The following NFIB variants were observed in gnomAD, a reference collection of about 807,000 sequenced individuals.
NFIB encodes nuclear factor 1 B-type.
NFIB carries 11 observed loss-of-function variants against 61.5 expected under a neutral mutation model. The observed-to-expected ratio is 0.18, with a 90% CI of 0.11 to 0.30. The LOEUF (loss-of-function observed/expected upper bound fraction) is 0.30, where lower values mean the gene tolerates loss of function less well. Among genes scored for constraint, NFIB ranks in the 10% least tolerant of loss-of-function variants. The pLI is 1.00. For synonymous variants in NFIB, 260 were observed against 216.5 expected (o/e 1.20, Z -1.76); for missense variants, 471 against 608.9 (o/e 0.77, Z 2.38).
the NFIB span, among the ~76,000 whole-genome samples, chr9:14,519,257 G>GT: frequency 2.6e-5 from 4 of 152,176 alleles, no homozygotes; most frequent in Non-Finnish European, 4.4e-5. Flanking sequence ...AGGATATTGA[G>GT]TGCCAGGAAG....
At chr9:14,468,319 A>G in the NFIB span, among the ~76,000 whole-genome samples, 4 of 152,168 alleles carry the variant, frequency 2.6e-5, no homozygotes, top group African/African-American at 9.7e-5. Flanking sequence ...TAATTAAGGT[A>G]CACCTCTTTG....
chr9:14,160,605 G>T (rs1383967470), intron 3 of NFIB, among the ~76,000 whole-genome samples: 1 of 152,024 alleles, frequency 6.6e-6, no homozygotes, highest in African/African-American at 2.4e-5. Context: ...GCCTAAAAAG[G>T]CATGTGAAAT....
At chr9:14,204,943 C>T (rs1403487247) in intron 2 of NFIB, 2 of 341,646 alleles carry the variant, frequency 5.9e-6, no homozygotes, top group Non-Finnish European at 1.1e-5. Flanking sequence ...CCAATGAGAT[C>T]CGTCATCACT....
the NFIB span, among the ~76,000 whole-genome samples, chr9:14,520,914 C>G: frequency 1.3e-5 from 2 of 152,158 alleles, no homozygotes; most frequent in Non-Finnish European, 2.9e-5. Flanking sequence ...TACAGTGGTT[C>G]AAAAAAGTAG....
At chr9:14,369,645 C>G (rs980326941) in intron 1 of NFIB, among the ~76,000 whole-genome samples, 3 of 152,158 alleles carry the variant, frequency 2.0e-5, no homozygotes, top group Non-Finnish European at 4.4e-5. Context: ...ATATATCTGG[C>G]ACTCAAGTTA....
chr9:14,446,327 G>A, the NFIB span, among the ~76,000 whole-genome samples: 3 of 152,162 alleles, frequency 2.0e-5, no homozygotes, highest in South Asian at 6.2e-4. Context: ...TTCAGATACT[G>A]TCTCTGCTTA....
chr9:14,138,568 T>C (rs989188222), intron 6 of NFIB, among the ~76,000 whole-genome samples: 1 of 152,086 alleles, frequency 6.6e-6, no homozygotes, highest in Non-Finnish European at 1.5e-5. Flanking sequence ...AAAAAGTTCA[T>C]TGTTCGAAAT....
the NFIB span, among the ~76,000 whole-genome samples, chr9:14,469,179 G>C: frequency 1.3e-5 from 2 of 152,140 alleles, no homozygotes; most frequent in African/African-American, 4.8e-5. Context: ...TTGGGATTGG[G>C]GGACCGAACT....
intron 6 of NFIB, among the ~76,000 whole-genome samples, chr9:14,137,321 A>G (rs7034211): frequency 0.5 from 75,331 of 152,088 alleles, 20,732 homozygotes; most frequent in African/African-American, 0.72. Flanking sequence ...TTCCTCAGGT[A>G]TAAAGCAAAA....
chr9:14,166,530 C>G (rs939630216), intron 3 of NFIB, among the ~76,000 whole-genome samples: 3 of 152,174 alleles, frequency 2.0e-5, no homozygotes, highest in Non-Finnish European at 4.4e-5. Context: ...GTAAAAATTT[C>G]AACAGGATAT....
the NFIB span, among the ~76,000 whole-genome samples, chr9:14,406,680 C>T: frequency 6.6e-6 from 1 of 152,000 alleles, no homozygotes; most frequent in South Asian, 2.1e-4. Flanking sequence ...TAATTTCTGC[C>T]CAATGAAATG....
intron 3 of NFIB, 50 bp from the exon 4 acceptor site, chr9:14,155,943 A>C: frequency 1.8e-6 from 2 of 1,125,318 alleles, no homozygotes; most frequent in South Asian, 3.0e-5. Context: ...AGAAAGTAAA[A>C]TAAATGATTA....
intron 10 of NFIB, among the ~76,000 whole-genome samples, chr9:14,101,961 AT>A (rs915056257): frequency 1.6e-4 from 25 of 152,010 alleles, no homozygotes; most frequent in African/African-American, 5.5e-4. Flanking sequence ...ATTTTTTGCT[AT>A]TTTTTTTCCC....
At chr9:14,324,208 A>G (rs2060725250) in intron 1 of NFIB, among the ~76,000 whole-genome samples, 1 of 152,172 alleles carries the variant, frequency 6.6e-6, no homozygotes, top group Admixed American at 6.5e-5. Context: ...TCAAGTGGGT[A>G]ACAAACAGAT....
chr9:14,368,362 T>G (rs553778404), intron 1 of NFIB, among the ~76,000 whole-genome samples: 1 of 152,292 alleles, frequency 6.6e-6, no homozygotes, highest in South Asian at 2.1e-4. Context: ...TATTTATGAG[T>G]AAAAATTACT....
chr9:14,516,028 AGCCATTG>A, the NFIB span, among the ~76,000 whole-genome samples: 1 of 152,250 alleles, frequency 6.6e-6, no homozygotes, highest in Non-Finnish European at 1.5e-5. Context: ...GAGAAGCCAA[AGCCATTG>A]GCGAGCACCT....
chr9:14,526,176 C>A, the NFIB span, among the ~76,000 whole-genome samples: 1 of 151,698 alleles, frequency 6.6e-6, no homozygotes, highest in African/African-American at 2.4e-5. Flanking sequence ...AGAAAATGAA[C>A]ATAGTATGTG....
the NFIB span, among the ~76,000 whole-genome samples, chr9:14,430,116 G>T: frequency 1.3e-5 from 2 of 152,208 alleles, no homozygotes; most frequent in Admixed American, 6.5e-5. Flanking sequence ...CCACTATACT[G>T]GAGGGAGCAA....
Position 14,165,730 on chromosome 9 carries a change from T to G in NFIB, c.617-9837A>C, listed in dbSNP as rs1205861588. ...TCCTCCTCTTTGCAGCCCTTAAAAA[T>G]GTAATCTGGAAAAAAGCCAGTCACA... On this transcript the variant is annotated intron_variant, in intron 3 of 10. Coordinates refer to ENST00000380953, the MANE Select transcript of NFIB (RefSeq NM_001190737.2). 2.6e-5 allele frequency among the ~76,000 whole-genome samples: 4 copies of G among 152,252 alleles called. No homozygotes were observed. In the East Asian group the frequency reaches 7.7e-4, roughly 29 times the overall value.
Sources: gnomAD v4.1 joint callset for allele counts (sites outside exome capture counted in the v4.1 genomes callset) on GRCh38, gnomAD v4.1.1 for gene constraint, MANE v1.5 for transcripts, NCBI Gene and HGNC (gene_info 2026-07-23, HGNC 2026-07-21) for gene names.